The following ULK4 variants were observed in gnomAD, a reference collection of about 807,000 sequenced individuals.
The protein encoded by ULK4 is inactive serine/threonine-protein kinase ULK4.
ULK4 carries 133 observed loss-of-function variants against 160.6 expected under a neutral mutation model. The observed-to-expected ratio is 0.83, with a 90% CI of 0.72 to 0.96. ULK4 has a LOEUF of 0.96. Ranked by LOEUF, ULK4 falls within the 40% of genes least tolerant of loss-of-function variation. The pLI is 0.00. For synonymous variants in ULK4, 534 were observed against 539.8 expected (o/e 0.99, Z 0.15); for missense variants, 1,580 against 1,499.5 (o/e 1.05, Z -0.89).
intron 33 of ULK4, among the ~76,000 whole-genome samples, chr3:41,461,045 A>G (rs1443984960): frequency 2.6e-5 from 4 of 152,146 alleles, no homozygotes; most frequent in Non-Finnish European, 5.9e-5. Context: ...TCTTTCACAC[A>G]TAACATTCAG....
chr3:41,342,771 T>C (rs879488846), intron 35 of ULK4, among the ~76,000 whole-genome samples: 3 of 152,140 alleles, frequency 2.0e-5, no homozygotes, highest in Admixed American at 1.3e-4. Flanking sequence ...GTAAAAATCC[T>C]CAATAAAATA....
At chr3:41,431,547 CTT>C (rs1553664758) in intron 34 of ULK4, among the ~76,000 whole-genome samples, 17 of 95,834 alleles carry the variant, frequency 1.8e-4, no homozygotes, top group Middle Eastern at 5.6e-3. Flanking sequence ...AATTCCCTCC[CTT>C]TTTTTTTTTT....
intron 11 of ULK4, among the ~76,000 whole-genome samples, chr3:41,909,121 C>A (rs1559643335): frequency 6.7e-6 from 1 of 148,218 alleles, no homozygotes; most frequent in Non-Finnish European, 1.5e-5. Flanking sequence ...ATTAGCCCAG[C>A]ATGGTGGTGC....
At chr3:41,748,762 G>C (rs2038508454) in intron 22 of ULK4, among the ~76,000 whole-genome samples, 2 of 152,056 alleles carry the variant, frequency 1.3e-5, no homozygotes. Flanking sequence ...TATCCTCTCT[G>C]TTTTCACCCC....
chr3:41,897,325 G>C (rs555633246), intron 14 of ULK4, among the ~76,000 whole-genome samples: 13 of 152,122 alleles, frequency 8.5e-5, no homozygotes, highest in South Asian at 8.3e-4. Flanking sequence ...AAAGACAAAA[G>C]AGCCTTTGTA....
In ULK4 at chr3:41,795,181, T is replaced by C. The variant is rs186506070; in HGVS notation, c.2010+4951A>G. Among the ~76,000 whole-genome samples the C allele has an allele frequency of 2.8e-4, 43 of 152,328 alleles. 1 individual carries two copies. The highest frequency in any genetic ancestry group is 2.6e-3 in the Admixed American group (40 of 15,300). The stretch of plus-strand genomic sequence containing the variant: ...ATTCCTTGCCAGGAATGTGTGTGAA[T>C]TATCTTCCAAATGCATATACTCAGT... On this transcript the variant is annotated intron_variant, in intron 20 of 36. Transcript: ENST00000301831.
intron 19 of ULK4, among the ~76,000 whole-genome samples, chr3:41,813,579 T>G (rs1165903421): frequency 6.6e-6 from 1 of 152,220 alleles, no homozygotes; most frequent in Non-Finnish European, 1.5e-5. Context: ...ATATATGTTA[T>G]CTTTGAAATG....
chr3:41,486,225 T>C lies in ULK4; in HGVS notation c.3227-22972A>G, dbSNP rs1053658113. Among the ~76,000 whole-genome samples the C allele has an allele frequency of 2.0e-5, 3 of 152,198 alleles. No individual in the cohort carries two copies. In the East Asian group the frequency reaches 5.8e-4, roughly 29 times the overall value. On this transcript the variant is annotated intron_variant, in intron 32 of 36. Coordinates refer to ENST00000301831, the MANE Select transcript of ULK4 (RefSeq NM_017886.4). ...ATAATTGCAGTAATTGGGCTATTAC[T>C]GCATCACCTAGCCTTGCACAGCCCC...
chr3:41,267,592 C>T (rs1320342891), intron 35 of ULK4, among the ~76,000 whole-genome samples: 1 of 152,108 alleles, frequency 6.6e-6, no homozygotes, highest in East Asian at 1.9e-4. Context: ...TTATCTTGGA[C>T]ACACTCATTT....
intron 35 of ULK4, among the ~76,000 whole-genome samples, chr3:41,354,342 A>C (rs1165294923): frequency 2.0e-5 from 3 of 152,106 alleles, no homozygotes; most frequent in African/African-American, 2.4e-5. Flanking sequence ...CTTTTATTGA[A>C]GTCTTGAATA....
rs9829055 is a variant in ULK4, at chr3:41,639,881, T to C, written c.3071+23726A>G. 6.3e-3 allele frequency among the ~76,000 whole-genome samples: 967 copies of C among 152,346 alleles called. 7 individuals carry two copies. The highest frequency in any genetic ancestry group is 0.021 in the African/African-American group (888 of 41,570). On this transcript the variant is annotated intron_variant, in intron 30 of 36. Transcript: ENST00000301831. ...CAAAAAATTAGTAATTTGAAGACTA[T>C]TTCCTTTAAATACTAAAGATAATGA...
At chr3:41,374,858 C>A (rs2081447972) in intron 35 of ULK4, among the ~76,000 whole-genome samples, 1 of 152,206 alleles carries the variant, frequency 6.6e-6, no homozygotes, top group South Asian at 2.1e-4. Flanking sequence ...TCTCCGTTTG[C>A]ACATGACATG....
At chr3:41,824,486 T>C (rs1489321614) in intron 18 of ULK4, among the ~76,000 whole-genome samples, 1 of 152,124 alleles carries the variant, frequency 6.6e-6, no homozygotes, top group East Asian at 1.9e-4. Context: ...ACTTTTCCAA[T>C]GGTCTTAGCA....
chr3:41,874,824 A>G (rs571712316), intron 17 of ULK4, among the ~76,000 whole-genome samples: 2 of 152,360 alleles, frequency 1.3e-5, no homozygotes, highest in South Asian at 4.1e-4. Context: ...CATGTAATCA[A>G]AAACCACTTG....
At chr3:41,697,258 A>G (rs1227393744) in intron 27 of ULK4, among the ~76,000 whole-genome samples, 1 of 152,202 alleles carries the variant, frequency 6.6e-6, no homozygotes, top group Non-Finnish European at 1.5e-5. Flanking sequence ...AACAGAGCAC[A>G]TGTACGATGA....
intron 21 of ULK4, among the ~76,000 whole-genome samples, chr3:41,771,637 G>A (rs1386035090): frequency 2.0e-5 from 3 of 151,450 alleles, no homozygotes; most frequent in Non-Finnish European, 4.4e-5. Flanking sequence ...TACCCATGTG[G>A]TAGGAAGACC....
At chr3:41,514,171 T>C (rs1438211083) in intron 32 of ULK4, among the ~76,000 whole-genome samples, 2 of 152,132 alleles carry the variant, frequency 1.3e-5, no homozygotes, top group Non-Finnish European at 2.9e-5. Context: ...AGATTTTGCT[T>C]GAAACAGGCA....
intron 32 of ULK4, among the ~76,000 whole-genome samples, chr3:41,465,835 G>A (rs757990567): frequency 1.5e-4 from 23 of 152,092 alleles, no homozygotes; most frequent in Admixed American, 4.6e-4. Context: ...TTCAAGGGTT[G>A]TTATTTTGAA....
intron 34 of ULK4, among the ~76,000 whole-genome samples, chr3:41,433,653 T>G (rs1357904277): frequency 6.6e-6 from 1 of 152,162 alleles, no homozygotes; most frequent in African/African-American, 2.4e-5. Context: ...AGTACCACAG[T>G]CATCCAAAAT....
Sources: gnomAD v4.1 joint callset for allele counts (sites outside exome capture counted in the v4.1 genomes callset) on GRCh38, gnomAD v4.1.1 for gene constraint, MANE v1.5 for transcripts, NCBI Gene and HGNC (gene_info 2026-07-23, HGNC 2026-07-21) for gene names.